Variants in PTPRJ observed in about 807,000 individuals in gnomAD.
The protein encoded by PTPRJ is protein tyrosine phosphatase receptor type J, also known as receptor-type tyrosine-protein phosphatase eta.
In PTPRJ, 129 loss-of-function variants were observed where a neutral mutation model predicts 141.3. The ratio of observed to expected loss-of-function variants is 0.91; its 90% confidence interval spans 0.79 to 1.06. PTPRJ has a LOEUF of 1.06. Among genes scored for constraint, PTPRJ ranks in the 50% least tolerant of loss-of-function variants. PTPRJ has a pLI of 0.00. For synonymous variants in PTPRJ, 610 were observed against 640.5 expected, an observed-to-expected ratio of 0.95 and a Z score of 0.72; for missense variants, 1,601 against 1,679.7, an observed-to-expected ratio of 0.95 and a Z score of 0.82.
At chr11:48,028,611 T>G (rs11039494) in intron 1 of PTPRJ, among the ~76,000 whole-genome samples, 2,291 of 152,218 alleles carry the variant, frequency 0.015, 26 homozygotes, top group Non-Finnish European at 0.024. Flanking sequence ...GCCAACGTGG[T>G]GAAACCCCGT....
intron 1 of PTPRJ, among the ~76,000 whole-genome samples, chr11:48,069,601 C>T (rs1424325352): frequency 6.6e-6 from 1 of 151,906 alleles, no homozygotes; most frequent in Admixed American, 6.6e-5. Flanking sequence ...AGGCGCCTGC[C>T]ACCACCCCCG....
At chr11:48,035,226 A>G (rs1000467169) in intron 1 of PTPRJ, among the ~76,000 whole-genome samples, 1 of 152,168 alleles carries the variant, frequency 6.6e-6, no homozygotes, top group Non-Finnish European at 1.5e-5. Flanking sequence ...GAGCCACCCC[A>G]GGGAGGCCAG....
intron 17 of PTPRJ, 46 bp from the exon 18 acceptor site, chr11:48,150,050 G>A (rs368568100): frequency 2.6e-5 from 41 of 1,547,180 alleles, no homozygotes; most frequent in Non-Finnish European, 3.6e-5. Context: ...TATTGAATAT[G>A]GACTTCACTG....
At chr11:48,051,084 CTTTTTTT>C (rs59987198) in intron 1 of PTPRJ, among the ~76,000 whole-genome samples, 6 of 79,318 alleles carry the variant, frequency 7.6e-5, no homozygotes, top group Middle Eastern at 0.011. Flanking sequence ...TAACTGATGA[CTTTTTTT>C]TTTTTTTTTT....
chr11:48,128,714 T>C (rs547796486), intron 7 of PTPRJ, among the ~76,000 whole-genome samples: 2 of 152,184 alleles, frequency 1.3e-5, no homozygotes, highest in African/African-American at 4.8e-5. Context: ...GGGGTCCCCT[T>C]TTACAGATGA....
chr11:48,103,190 G>A (rs1273686997), intron 1 of PTPRJ, among the ~76,000 whole-genome samples: 1 of 152,170 alleles, frequency 6.6e-6, no homozygotes, highest in Non-Finnish European at 1.5e-5. Context: ...AGGATGGAGT[G>A]TGGTGGCTCA....
chr11:48,078,168 C>T (rs1855459211), intron 1 of PTPRJ, among the ~76,000 whole-genome samples: 1 of 150,786 alleles, frequency 6.6e-6, no homozygotes, highest in South Asian at 2.1e-4. Flanking sequence ...AAGCAATTTT[C>T]CTGCCTCAGC....
intron 8 of PTPRJ, among the ~76,000 whole-genome samples, chr11:48,131,138 C>T (rs1345423702): frequency 8.1e-6 from 1 of 123,570 alleles, no homozygotes; most frequent in African/African-American, 3.1e-5. Context: ...AGTGCAGTGG[C>T]ATGATCTTGG....
intron 1 of PTPRJ, among the ~76,000 whole-genome samples, chr11:48,092,304 AAAAAAAAAAAAAAG>A (rs1420084368): frequency 6.6e-6 from 1 of 150,412 alleles, no homozygotes; most frequent in Non-Finnish European, 1.5e-5. Flanking sequence ...CAAAAAAAAA[AAAAAAAAAAAAAAG>A]AAAAAGAAAA....
chr11:48,167,543 C>T lies in PTPRJ; in HGVS notation c.*181C>T. ...GATGACAAATTGGGGCTGTCGGGGG[C>T]TGTGGATGGGTGGGGAGCAAATCAT... On this transcript the variant is annotated 3_prime_UTR_variant, in exon 25 of 25. Transcript: ENST00000418331. 2 of 603,682 alleles carry T rather than the reference C, an allele frequency of 3.3e-6. No homozygotes were observed. Among genetic ancestry groups the T allele is most frequent in the Non-Finnish European group, 5.2e-6 (2 of 383,716 alleles). 37.4% of individuals were successfully genotyped at this position (603,682 alleles called of 1,614,324 possible). A position where few individuals can be genotyped will look rare whatever the true frequency, so the allele number is the denominator to read the frequency against.
At chr11:48,133,774 A>T (rs1024213247) in intron 8 of PTPRJ, among the ~76,000 whole-genome samples, 1 of 152,240 alleles carries the variant, frequency 6.6e-6, no homozygotes, top group Non-Finnish European at 1.5e-5. Context: ...CTATTCAGCC[A>T]TAAGAAAGAA....
chr11:48,159,073 G>T (rs1271242198), intron 21 of PTPRJ, among the ~76,000 whole-genome samples: 1 of 146,278 alleles, frequency 6.8e-6, no homozygotes, highest in Non-Finnish European at 1.5e-5. Context: ...AATACTGAGT[G>T]TGTGTGCGTG....
intron 1 of PTPRJ, among the ~76,000 whole-genome samples, chr11:48,000,914 AC>A (rs1280822332): frequency 6.7e-6 from 1 of 148,774 alleles, no homozygotes; most frequent in African/African-American, 2.5e-5. Context: ...TGAAAGAACC[AC>A]CCTGACATGG....
chr11:48,081,314 C>T (rs1246631497), intron 1 of PTPRJ, among the ~76,000 whole-genome samples: 2 of 152,222 alleles, frequency 1.3e-5, no homozygotes, highest in Admixed American at 6.5e-5. Flanking sequence ...GTGTCTTCTC[C>T]GTGGTGCCCA....
chr11:48,054,225 C>T (rs990351673), intron 1 of PTPRJ, among the ~76,000 whole-genome samples: 3 of 152,186 alleles, frequency 2.0e-5, no homozygotes, highest in African/African-American at 2.4e-5. Flanking sequence ...TGAGCCATGG[C>T]GCCCGGCCCT....
chr11:48,067,168 G>A (rs977769925), intron 1 of PTPRJ, among the ~76,000 whole-genome samples: 8 of 152,180 alleles, frequency 5.3e-5, no homozygotes, highest in African/African-American at 1.9e-4. Context: ...GGAGAGAGAA[G>A]GGATTAGGAG....
chr11:48,047,648 G>A (rs547608396), intron 1 of PTPRJ, among the ~76,000 whole-genome samples: 8 of 152,196 alleles, frequency 5.3e-5, no homozygotes, highest in East Asian at 3.9e-4. Context: ...GACGACAGGC[G>A]CGTGCCACCA....
intron 1 of PTPRJ, among the ~76,000 whole-genome samples, chr11:48,069,481 G>A (rs1348640343): frequency 3.7e-5 from 5 of 134,348 alleles, no homozygotes; most frequent in East Asian, 2.1e-4. Flanking sequence ...ATGGAGTCTC[G>A]CTCTGGTGCC....
Position 48,130,551 on chromosome 11 carries a change from A to G in PTPRJ, c.1450A>G (p.Met484Val). Residue 484 changes from methionine (M) to valine (V), a missense_variant, in exon 8 of 25, where the codon ATG (methionine) becomes GTG (valine). By Grantham distance (21) the Met-to-Val change is conservative (BLOSUM62 1). Transcript: ENST00000418331. ...WSSHDAESFQ[M>V]HITQEGAGNS... is the part of the protein sequence containing the mutation. ...CAGCCATGATGCAGAATCATTTCAGATGCATATCACACAGGAGGGAGCTGG... is the reference window on the plus strand; with the variant it reads ...CAGCCATGATGCAGAATCATTTCAGGTGCATATCACACAGGAGGGAGCTGG... 1 of 1,614,094 alleles carries G rather than the reference A, an allele frequency of 6.2e-7. No homozygotes were observed.
Sources: allele counts gnomAD v4.1 joint callset (sites outside exome capture counted in the v4.1 genomes callset), GRCh38; gene constraint gnomAD v4.1.1; transcripts MANE v1.5; gene names NCBI Gene and HGNC (gene_info 2026-07-23, HGNC 2026-07-21).